Variants in AP4S1 observed in about 807,000 individuals in gnomAD.
AP4S1 encodes the protein adaptor related protein complex 4 subunit sigma 1, also known as AP-4 complex subunit sigma-1.
AP4S1 carries 23 observed loss-of-function variants against 19.8 expected under a neutral mutation model. The ratio of observed to expected loss-of-function variants is 1.16; its 90% CI spans 0.84 to 1.65. The LOEUF (loss-of-function observed/expected upper bound fraction) is 1.65. Ranked by LOEUF, AP4S1 falls within the 40% of genes most tolerant of loss-of-function variation. The probability of loss-of-function intolerance (pLI) is 0.00; values close to 1 mark genes in which losing one functional copy is unlikely to be tolerated. For missense variants in AP4S1, 166 were observed against 172.8 expected (o/e 0.96, Z 0.22); for synonymous variants, 46 against 54.1 (o/e 0.85, Z 0.66).
chr14:31,043,153 G>A (rs979085200), intron 1 of AP4S1, among the ~76,000 whole-genome samples: 1 of 151,602 alleles, frequency 6.6e-6, no homozygotes, highest in East Asian at 1.9e-4. Context: ...CTCGGGAGGC[G>A]GAAGTTGCAG....
intron 1 of AP4S1, among the ~76,000 whole-genome samples, chr14:31,053,106 A>T (rs557765305): frequency 6.6e-6 from 1 of 151,934 alleles, no homozygotes; most frequent in East Asian, 1.9e-4. Context: ...ATGCCCAGCT[A>T]ATTTTTGTAC....
chr14:31,056,902 C>A (rs976718751), intron 1 of AP4S1, among the ~76,000 whole-genome samples: 2 of 152,038 alleles, frequency 1.3e-5, no homozygotes, highest in African/African-American at 2.4e-5. Flanking sequence ...CTGGAAACCC[C>A]GCCTTTACAA....
intron 1 of AP4S1, among the ~76,000 whole-genome samples, chr14:31,065,608 A>C (rs1166942381): frequency 6.6e-6 from 1 of 152,164 alleles, no homozygotes; most frequent in Non-Finnish European, 1.5e-5. Flanking sequence ...ATTATTTTGG[A>C]GAATAACTGA....
rs1197043999 is a variant in AP4S1 at position 31,096,266 on chromosome 14, A to G, written c.*3231A>G. 1 of 152,038 alleles carries G rather than the reference A, an allele frequency of 6.6e-6. No individual in the cohort carries two copies. The highest frequency in any genetic ancestry group is 2.4e-5 in the African/African-American group (1 of 41,394). The allele number at this position is 152,038 out of a possible 1,614,324, so 9.4% of individuals were successfully genotyped here. ...CACTGCATCCCCCCAAAACCTTTCT[A>G]TATGCTTTTGCTACCCCGTTAACAG... On this transcript the variant is annotated 3_prime_UTR_variant, in exon 6 of 6. Transcript: ENST00000542754.
chr14:31,086,143 G>A (rs544585380), intron 5 of AP4S1: 1 of 152,184 alleles, frequency 6.6e-6, no homozygotes, highest in African/African-American at 2.4e-5. Flanking sequence ...ACCAGAATAG[G>A]GTTTCTCCAA....
intron 1 of AP4S1, chr14:31,026,293 G>T (rs962049295): frequency 3.5e-5 from 42 of 1,199,364 alleles, no homozygotes; most frequent in Non-Finnish European, 4.1e-5. Context: ...GCCGGGAGAG[G>T]GGCGGGGAAG....
intron 1 of AP4S1, among the ~76,000 whole-genome samples, chr14:31,051,455 G>A (rs927964397): frequency 6.6e-6 from 1 of 152,156 alleles, no homozygotes; most frequent in Non-Finnish European, 1.5e-5. Flanking sequence ...CAGATCACCT[G>A]AGGTCGAGAG....
chr14:31,040,764 A>G (rs1396188440), intron 1 of AP4S1, among the ~76,000 whole-genome samples: 1 of 152,138 alleles, frequency 6.6e-6, no homozygotes, highest in Non-Finnish European at 1.5e-5. Context: ...TTAGGTCAAG[A>G]TCTGCGAGCC....
intron 4 of AP4S1, among the ~76,000 whole-genome samples, chr14:31,078,119 G>C (rs551054354): frequency 6.6e-6 from 1 of 152,192 alleles, no homozygotes; most frequent in South Asian, 2.1e-4. Flanking sequence ...GCCAGGAAGG[G>C]GTTGGTGCGT....
chr14:31,031,465 T>C (rs1315027668), intron 1 of AP4S1, among the ~76,000 whole-genome samples: 1 of 152,228 alleles, frequency 6.6e-6, no homozygotes, highest in Non-Finnish European at 1.5e-5. Context: ...CTAATATGAA[T>C]ATTTTTTCGT....
At chr14:31,064,816 G>A (rs998912677) in intron 1 of AP4S1, among the ~76,000 whole-genome samples, 6 of 152,248 alleles carry the variant, frequency 3.9e-5, no homozygotes, top group East Asian at 3.9e-4. Flanking sequence ...TTAGCTGGAC[G>A]TGATGGTGCA....
At chr14:31,085,437 C>T in intron 5 of AP4S1, 1 of 986,360 alleles carries the variant, frequency 1.0e-6, no homozygotes, top group Non-Finnish European at 1.2e-6. Flanking sequence ...AGAATCCAGG[C>T]CCCACAAATA....
rs145231898 is a variant in AP4S1, at chr14:31,088,886, G to A, written c.307-4021G>A. On this transcript the variant is annotated intron_variant, in intron 5 of 5. Coordinates refer to ENST00000542754, the MANE Select transcript of AP4S1 (RefSeq NM_001128126.3). ...CAAAATGTGAACAGGGCCGGGCACA[G>A]TGGCTCATGCTTGTAATTCCAGCAC... is the stretch of plus-strand genomic sequence containing the variant. Among the ~76,000 whole-genome samples the A allele has an allele frequency of 9.7e-3, 1,470 of 150,952 alleles. 25 individuals are homozygous for A. Among genetic ancestry groups the A allele is most frequent in the African/African-American group, 0.034 (1,384 of 41,040 alleles).
rs1341437091 is a variant in AP4S1, at chr14:31,095,112, C to T, written c.*2077C>T. 6.6e-6 allele frequency: 1 copy of T among 152,214 alleles called. No homozygotes were observed. Among genetic ancestry groups the T allele is most frequent in the African/African-American group, 2.4e-5 (1 of 41,450 alleles). The allele number at this position is 152,214 out of a possible 1,614,324, so 9.4% of individuals were successfully genotyped here. On this transcript the variant is annotated 3_prime_UTR_variant, in exon 6 of 6. Transcript: ENST00000542754. Reference sequence around the variant, plus strand: ...AAGAGGCTGAGATGGGAGAATTGATCAAGCCTAGGAGTTTGAGGCTGCAGT... The same window carrying T: ...AAGAGGCTGAGATGGGAGAATTGATTAAGCCTAGGAGTTTGAGGCTGCAGT...
chr14:31,072,002 A>G (rs1315332589), intron 3 of AP4S1, among the ~76,000 whole-genome samples: 2 of 151,392 alleles, frequency 1.3e-5, no homozygotes, highest in South Asian at 2.1e-4. Context: ...GCTCACTTCA[A>G]TCTCAGCCTC....
At chr14:31,054,241 A>G (rs1274823712) in intron 1 of AP4S1, among the ~76,000 whole-genome samples, 1 of 152,248 alleles carries the variant, frequency 6.6e-6, no homozygotes, top group Non-Finnish European at 1.5e-5. Context: ...TTCTGAAATT[A>G]AAAATCAGTT....
At chr14:31,054,527 C>T (rs1389171224) in intron 1 of AP4S1, among the ~76,000 whole-genome samples, 1 of 151,840 alleles carries the variant, frequency 6.6e-6, no homozygotes, top group Non-Finnish European at 1.5e-5. Context: ...ACTAAAAATA[C>T]AAAAATTAGC....
chr14:31,027,982 C>G (rs1315597120), intron 1 of AP4S1, among the ~76,000 whole-genome samples: 1 of 152,028 alleles, frequency 6.6e-6, no homozygotes, highest in Non-Finnish European at 1.5e-5. Context: ...GTATGCACTA[C>G]CAACCAATCA....
intron 1 of AP4S1, among the ~76,000 whole-genome samples, chr14:31,030,631 A>G (rs1336096488): frequency 6.6e-6 from 1 of 152,134 alleles, no homozygotes; most frequent in South Asian, 2.1e-4. Flanking sequence ...TTACAGGCAT[A>G]AGCCACTGAG....
Sources: allele counts gnomAD v4.1 joint callset (sites outside exome capture counted in the v4.1 genomes callset), GRCh38; gene constraint gnomAD v4.1.1; transcripts MANE v1.5; gene names NCBI Gene and HGNC (gene_info 2026-07-23, HGNC 2026-07-21).